The following AGPAT4 variants were observed in gnomAD, a reference collection of about 807,000 sequenced individuals.
AGPAT4 encodes 1-acyl-sn-glycerol-3-phosphate acyltransferase delta.
Under a neutral mutation model 48.0 loss-of-function variants are expected in AGPAT4, and 15 were observed. That is an observed-to-expected ratio of 0.31 (90% confidence interval 0.21 to 0.48). AGPAT4 has a LOEUF of 0.48. AGPAT4 is among the 20% of genes least tolerant of loss of function. The pLI is 0.99. For missense variants in AGPAT4, 314 were observed against 482.5 expected, an observed-to-expected ratio of 0.65 and a Z score of 3.27; for synonymous variants, 178 against 198.7, an observed-to-expected ratio of 0.90 and a Z score of 0.88.
chr6:161,150,538 A>G (rs1036113113), intron 5 of AGPAT4, among the ~76,000 whole-genome samples: 3 of 152,254 alleles, frequency 2.0e-5, no homozygotes, highest in Admixed American at 1.3e-4. Flanking sequence ...TGTGGAACCA[A>G]GATTCAAAAA....
chr6:161,162,278 ATCCC>A (rs1263148081), intron 3 of AGPAT4, among the ~76,000 whole-genome samples: 7 of 152,246 alleles, frequency 4.6e-5, no homozygotes, highest in Non-Finnish European at 1.0e-4. Context: ...CCTACCCCAC[ATCCC>A]TGGGGCACGG....
intron 1 of AGPAT4, among the ~76,000 whole-genome samples, chr6:161,260,609 T>C (rs1273400879): frequency 1.5e-5 from 2 of 137,520 alleles, no homozygotes; most frequent in East Asian, 2.2e-4. Flanking sequence ...TGAGCCAAGA[T>C]TGTGCCACCG....
At position 161,240,518 on chromosome 6, in the gene AGPAT4, C is replaced by G. The variant is rs3798941; in HGVS notation, c.-89-8216G>C. Among the ~76,000 whole-genome samples, 1 of 152,166 alleles carries G rather than the reference C, an allele frequency of 6.6e-6. No homozygotes were observed. Among genetic ancestry groups the G allele is most frequent in the East Asian group, 1.9e-4 (1 of 5,192 alleles). On this transcript the variant is annotated intron_variant, in intron 1 of 8. Coordinates refer to ENST00000320285, the MANE Select transcript of AGPAT4 (RefSeq NM_020133.3). This position sits in a 1 kb window ranked among gnomAD's most constrained non-coding sequence, Gnocchi z 5.5. Reference sequence around the variant, plus strand: ...AAGATTCCCAAGTGGCCCAGGTTAACCAGACAAATAAAAGAAAATAAAAAC... The same window carrying G: ...AAGATTCCCAAGTGGCCCAGGTTAAGCAGACAAATAAAAGAAAATAAAAAC...
intron 1 of AGPAT4, among the ~76,000 whole-genome samples, chr6:161,268,355 AC>A (rs1237983953): frequency 6.6e-6 from 1 of 152,226 alleles, no homozygotes; most frequent in Non-Finnish European, 1.5e-5. Flanking sequence ...CTATAAAAAA[AC>A]AAAACGGGAT....
chr6:161,226,621 G>A lies in AGPAT4; in HGVS notation c.178+5415C>T, dbSNP rs1656526638. The stretch of plus-strand genomic sequence containing the variant: ...CCTCCATCTTCTCTCACTTCTCAGA[G>A]AGTCAGAAAGGCAGCCAGGCAGGGC... On this transcript the variant is annotated intron_variant, in intron 2 of 8. Coordinates refer to ENST00000320285, the MANE Select transcript of AGPAT4 (RefSeq NM_020133.3). This position sits in a 1 kb window ranked among gnomAD's most constrained non-coding sequence, Gnocchi z 6.3. 6.6e-6 allele frequency among the ~76,000 whole-genome samples: 1 copy of A among 152,212 alleles called. No individual in the cohort carries two copies. The highest frequency in any genetic ancestry group is 2.1e-4 in the South Asian group (1 of 4,828).
chr6:161,136,725 A>G, intron 8 of AGPAT4, 91 bp from the exon 9 acceptor site: 4 of 1,111,868 alleles, frequency 3.6e-6, no homozygotes, highest in Non-Finnish European at 5.4e-6. Context: ...CCGTGGCCGC[A>G]AATCACAAGC....
chr6:161,241,263 C>CAAAAAAAAAAAAAAAAAAAAAAAAAA (rs61634719), intron 1 of AGPAT4, among the ~76,000 whole-genome samples: 1 of 90,502 alleles, frequency 1.1e-5, no homozygotes, highest in South Asian at 3.9e-4. Flanking sequence ...AACTCTGTCT[C>CAAAAAAAAAAAAAAAAAAAAAAAAAA]AAAAAAAAAA....
intron 5 of AGPAT4, 33 bp downstream of exon 5, chr6:161,153,313 C>T (rs772607298): frequency 7.6e-6 from 12 of 1,583,006 alleles, no homozygotes; most frequent in South Asian, 1.1e-5. Flanking sequence ...CTCGCTGCCA[C>T]GGGGAGGCCC....
In AGPAT4 at chr6:161,180,494, C is replaced by T. The variant is rs1780552249; in HGVS notation, c.179-14077G>A. 6.6e-6 allele frequency among the ~76,000 whole-genome samples: 1 copy of T among 152,202 alleles called. No homozygotes were observed. Among genetic ancestry groups the T allele is most frequent in the Non-Finnish European group, 1.5e-5 (1 of 68,050 alleles). On this transcript the variant is annotated intron_variant, in intron 2 of 8. Transcript: ENST00000320285. This position sits in a 1 kb window ranked among gnomAD's most constrained non-coding sequence, Gnocchi z 6.4. ...GGGGAAATGGCCTTATGATCATTAG[C>T]TCTAACCAACTTTAACAATTATATA... is the stretch of plus-strand genomic sequence containing the variant.
Position 161,161,435 on chromosome 6 carries a change from G to T in AGPAT4, c.348+4813C>A, listed in dbSNP as rs374327030. The stretch of plus-strand genomic sequence containing the variant: ...AGCACACTTGCCAAACCCAGTGAAT[G>T]GTAAGAGGCAGAGGGTGGCGTCCCA... On this transcript the variant is annotated intron_variant, in intron 3 of 8. Coordinates refer to ENST00000320285, the MANE Select transcript of AGPAT4 (RefSeq NM_020133.3). The surrounding 1 kb of genome is among the most constrained non-coding windows in gnomAD (Gnocchi z 4.6). 3 of 456,608 alleles carry T rather than the reference G, an allele frequency of 6.6e-6. No homozygotes were observed. The East Asian group carries it at 2.1e-4, about 32-fold the overall frequency. The allele number at this position is 456,608 out of a possible 1,614,324, so 28.3% of individuals were successfully genotyped here. A position where few individuals can be genotyped will look rare whatever the true frequency, so the allele number is the denominator to read the frequency against.
Position 161,265,169 on chromosome 6 carries a change from T to C in AGPAT4, c.-90+8769A>G, listed in dbSNP as rs1305403198. On this transcript the variant is annotated intron_variant, in intron 1 of 8. Transcript: ENST00000320285. ...TACCCACCGCTGGACTGGGTGCTGA[T>C]TAGTACCCACCGCTGGACTGGGTGC... Among the ~76,000 whole-genome samples the C allele has an allele frequency of 4.8e-3, 572 of 120,072 alleles. 2 individuals are homozygous for C. Among genetic ancestry groups the C allele is most frequent in the African/African-American group, 0.016 (485 of 30,564 alleles). The allele number at this position is 120,072 out of a possible 152,430, so 78.8% of individuals were successfully genotyped here.
At chr6:161,191,444 T>C (rs1780921907) in intron 2 of AGPAT4, among the ~76,000 whole-genome samples, 1 of 152,162 alleles carries the variant, frequency 6.6e-6, no homozygotes, top group South Asian at 2.1e-4. Context: ...GAAAGCTGGC[T>C]CAGACCAAGG....
At chr6:161,265,952 C>T (rs1406622908) in intron 1 of AGPAT4, among the ~76,000 whole-genome samples, 2 of 152,136 alleles carry the variant, frequency 1.3e-5, no homozygotes, top group Non-Finnish European at 2.9e-5. Flanking sequence ...AATGAATTGC[C>T]ACTTTGGTTA....
At chr6:161,224,358 C>A (rs1387068376) in intron 2 of AGPAT4, among the ~76,000 whole-genome samples, 1 of 152,052 alleles carries the variant, frequency 6.6e-6, no homozygotes, top group Non-Finnish European at 1.5e-5. Context: ...GAAAACCAGA[C>A]TGCAGCCAGA....
intron 1 of AGPAT4, among the ~76,000 whole-genome samples, chr6:161,247,409 C>G (rs1380611369): frequency 6.6e-6 from 1 of 152,150 alleles, no homozygotes; most frequent in Non-Finnish European, 1.5e-5. Context: ...TTGTTTTCTT[C>G]TATTCTTTGG....
At position 161,235,681 on chromosome 6, in the gene AGPAT4, G is replaced by A. The variant is rs1273696450; in HGVS notation, c.-89-3379C>T. 2.0e-5 allele frequency among the ~76,000 whole-genome samples: 3 copies of A among 152,202 alleles called. No homozygotes were observed. Among genetic ancestry groups the A allele is most frequent in the Middle Eastern group, 3.2e-3 (1 of 316 alleles). ...GCTTTTACTCATGGCGGAAGGCAAAGGGGGAGCGGGCATCTTACAAGGCAG... is the reference window on the plus strand; with the variant it reads ...GCTTTTACTCATGGCGGAAGGCAAAAGGGGAGCGGGCATCTTACAAGGCAG... On this transcript the variant is annotated intron_variant, in intron 1 of 8. Coordinates refer to ENST00000320285, the MANE Select transcript of AGPAT4 (RefSeq NM_020133.3). The surrounding 1 kb of genome is among the most constrained non-coding windows in gnomAD (Gnocchi z 6.2).
rs71542999 is a variant in AGPAT4, at chr6:161,215,707, TAAAA to T, written c.178+16325_178+16328del. Among the ~76,000 whole-genome samples the T allele has an allele frequency of 2.4e-5, 3 of 124,866 alleles. No homozygotes were observed. The highest frequency in any genetic ancestry group is 8.3e-5 in the Admixed American group (1 of 12,022). 81.9% of individuals were successfully genotyped at this position (124,866 alleles called of 152,430 possible). A position where few individuals can be genotyped will look rare whatever the true frequency, so the allele number is the denominator to read the frequency against. On this transcript the variant is annotated intron_variant, in intron 2 of 8. Coordinates refer to ENST00000320285, the MANE Select transcript of AGPAT4 (RefSeq NM_020133.3). This position sits in a 1 kb window ranked among gnomAD's most constrained non-coding sequence, Gnocchi z 4.5. ...CACAGTAGAATAACCTCCCTTACCA[TAAAA>T]AAAAAAAAAAAGAAAACACAAAAAC...
In AGPAT4 at chr6:161,198,307, AT is replaced by A. The variant is rs1206991085; in HGVS notation, c.179-31891del. Among the ~76,000 whole-genome samples, 34 of 152,330 alleles carry A rather than the reference AT, an allele frequency of 2.2e-4. No homozygotes were observed. The highest frequency in any genetic ancestry group is 7.2e-4 in the African/African-American group (30 of 41,572). Reference sequence around the variant, plus strand: ...GGCAAGTGGCTCTCAGTTGAGAGTGATTTCACAATCCCCTCTCCTCCGGGGC... The same window carrying A: ...GGCAAGTGGCTCTCAGTTGAGAGTGATTCACAATCCCCTCTCCTCCGGGGC... On this transcript the variant is annotated intron_variant, in intron 2 of 8. Transcript: ENST00000320285. The surrounding 1 kb of genome is among the most constrained non-coding windows in gnomAD (Gnocchi z 4.3).
intron 3 of AGPAT4, among the ~76,000 whole-genome samples, chr6:161,156,741 C>A (rs1000096967): frequency 6.6e-5 from 10 of 152,216 alleles, no homozygotes; most frequent in Admixed American, 4.6e-4. Context: ...GCCATAACAC[C>A]CACACTGGAA....
Sources: allele counts gnomAD v4.1 joint callset (sites outside exome capture counted in the v4.1 genomes callset), GRCh38; gene constraint gnomAD v4.1.1; non-coding constraint Gnocchi (gnomAD v3.1); transcripts MANE v1.5; gene names NCBI Gene and HGNC (gene_info 2026-07-23, HGNC 2026-07-21).